Variants in TTLL5 observed in about 807,000 individuals in gnomAD.
TTLL5 encodes the protein tubulin tyrosine ligase like 5, also known as tubulin polyglutamylase TTLL5.
Under a neutral mutation model 168.4 loss-of-function variants are expected in TTLL5, and 132 were observed. That is an observed-to-expected ratio of 0.78 (90% CI 0.68 to 0.91). The LOEUF (loss-of-function observed/expected upper bound fraction) is 0.91. Ranked by LOEUF, TTLL5 falls within the 40% of genes least tolerant of loss-of-function variation. The probability of loss-of-function intolerance (pLI) is 0.00; values close to 1 mark genes in which losing one functional copy is unlikely to be tolerated. For missense variants in TTLL5, 1,545 were observed against 1,581.5 expected (o/e 0.98, Z 0.39); for synonymous variants, 546 against 558.6 (o/e 0.98, Z 0.32).
At chr14:75,906,578 A>G in intron 31 of TTLL5, 5 of 985,838 alleles carry the variant, frequency 5.1e-6, no homozygotes, top group Non-Finnish European at 2.4e-6. Flanking sequence ...TCCCCAAGTT[A>G]TTTTCGCCAC....
intron 31 of TTLL5, among the ~76,000 whole-genome samples, chr14:75,937,282 A>G (rs1199190212): frequency 1.3e-5 from 2 of 149,928 alleles, no homozygotes; most frequent in Non-Finnish European, 3.0e-5. Context: ...ACGTCCAGCT[A>G]ATTTTTTTTT....
chr14:75,851,343 A>C (rs1454121880), intron 28 of TTLL5, among the ~76,000 whole-genome samples: 1 of 152,126 alleles, frequency 6.6e-6, no homozygotes, highest in Non-Finnish European at 1.5e-5. Context: ...TTTGTCTCTC[A>C]GGTTTTAGGC....
In TTLL5 at chr14:75,942,483, TGAAAA is replaced by T. The variant is rs1481265082; in HGVS notation, c.3824-11940_3824-11936del. 3.9e-4 allele frequency among the ~76,000 whole-genome samples: 60 copies of T among 152,288 alleles called. No individual in the cohort carries two copies. In the South Asian group the frequency reaches 0.01, roughly 26 times the overall value. On this transcript the variant is annotated intron_variant, in intron 31 of 31. Coordinates refer to ENST00000298832, the MANE Select transcript of TTLL5 (RefSeq NM_015072.5). The stretch of plus-strand genomic sequence containing the variant: ...ATCTCAGCACTTAAGAGTGTAGCAG[TGAAAA>T]TAAGCAGTATATGCAAGACAAAGTC...
At chr14:75,926,550 A>G (rs1450050670) in intron 31 of TTLL5, among the ~76,000 whole-genome samples, 1 of 152,210 alleles carries the variant, frequency 6.6e-6, no homozygotes, top group Non-Finnish European at 1.5e-5. Flanking sequence ...AAAGATATAC[A>G]AATGACCAAT....
At position 75,683,786 on chromosome 14, in the gene TTLL5, T is replaced by C; in HGVS notation, c.371+130T>C. ...GAAGAAGAAGAAGGACTTTTTTTTT[T>C]TTTTTTGAGATGAGTATCGCTCTGT... On this transcript the variant is annotated intron_variant, in intron 5 of 31. Coordinates refer to ENST00000298832, the MANE Select transcript of TTLL5 (RefSeq NM_015072.5). 4.0e-6 allele frequency: 3 copies of C among 752,796 alleles called. 1 individual carries two copies. The South Asian group carries it at 5.4e-5, about 14-fold the overall frequency. 46.6% of individuals were successfully genotyped at this position (752,796 alleles called of 1,614,324 possible). A position where few individuals can be genotyped will look rare whatever the true frequency, so the allele number is the denominator to read the frequency against.
intron 9 of TTLL5, among the ~76,000 whole-genome samples, chr14:75,714,256 G>C (rs1172128882): frequency 2.0e-5 from 3 of 152,122 alleles, no homozygotes; most frequent in Non-Finnish European, 2.9e-5. Flanking sequence ...ATTTAGTGGT[G>C]TTTGACCATT....
intron 28 of TTLL5, among the ~76,000 whole-genome samples, chr14:75,826,568 A>G (rs1443202183): frequency 1.3e-5 from 2 of 152,150 alleles, no homozygotes; most frequent in African/African-American, 2.4e-5. Context: ...TTACTTTATA[A>G]TTTTGTAACT....
chr14:75,894,250 G>A (rs1681684375), intron 30 of TTLL5, among the ~76,000 whole-genome samples: 1 of 152,066 alleles, frequency 6.6e-6, no homozygotes, highest in Non-Finnish European at 1.5e-5. Flanking sequence ...GTGGAAGATA[G>A]GAAAGTTAGA....
At chr14:75,896,728 A>C (rs1437973749) in intron 30 of TTLL5, among the ~76,000 whole-genome samples, 1 of 152,228 alleles carries the variant, frequency 6.6e-6, no homozygotes, top group African/African-American at 2.4e-5. Flanking sequence ...CTTTCAGAAA[A>C]GTTTCCACTG....
intron 23 of TTLL5, 97 bp downstream of exon 23, chr14:75,776,947 G>C: frequency 2.0e-6 from 2 of 993,260 alleles, no homozygotes; most frequent in Non-Finnish European, 3.0e-6. Flanking sequence ...ACATGGATGT[G>C]AATGAAATCA....
chr14:75,803,721 G>T (rs1206878386), intron 27 of TTLL5, among the ~76,000 whole-genome samples: 1 of 152,184 alleles, frequency 6.6e-6, no homozygotes, highest in Non-Finnish European at 1.5e-5. Flanking sequence ...GAAGTGTCGT[G>T]GTGGCCAATA....
rs139528924 is a variant in TTLL5 at position 75,840,238 on chromosome 14, A to G, written c.3326+20077A>G. Among the ~76,000 whole-genome samples, 503 of 152,232 alleles carry G rather than the reference A, an allele frequency of 3.3e-3. 4 individuals carry two copies. The highest frequency in any genetic ancestry group is 0.011 in the African/African-American group (469 of 41,554). On this transcript the variant is annotated intron_variant, in intron 28 of 31. Transcript: ENST00000298832. ...TCTTTCAGACACAGTCATTTTTTAT[A>G]TATGTATACTTCAAGTTCTGGGATA...
At chr14:75,949,743 G>A (rs529771981) in intron 31 of TTLL5, among the ~76,000 whole-genome samples, 5 of 151,776 alleles carry the variant, frequency 3.3e-5, no homozygotes, top group East Asian at 1.9e-4. Context: ...CAGCTTAGTC[G>A]GGAGACTGAG....
At chr14:75,770,477 T>G (rs530004066) in intron 20 of TTLL5, among the ~76,000 whole-genome samples, 2 of 152,306 alleles carry the variant, frequency 1.3e-5, no homozygotes, top group East Asian at 3.9e-4. Context: ...ATTCAGTGAT[T>G]GCATTTGTGG....
In TTLL5 at chr14:75,683,624, C is replaced by T. The variant is rs1884797313; in HGVS notation, c.339C>T (p.Leu113=). 6.2e-7 allele frequency: 1 copy of T among 1,614,056 alleles called. No individual in the cohort carries two copies. Among genetic ancestry groups the T allele is most frequent in the East Asian group, 2.2e-5 (1 of 44,878 alleles). Reference sequence around the variant, plus strand: ...TGAAGCCCTTCTTACTGCGCACCCTCTCTGAAGCACAAAAAGTTAATCACT... The same window carrying T: ...TGAAGCCCTTCTTACTGCGCACCCTTTCTGAAGCACAAAAAGTTAATCACT... The part of the protein sequence containing the change: ...SHLKPFLLRT[L]SEAQKVNHFP... The change falls in exon 5 of 32, where the codon CTC becomes CTT. Residue 113 remains leucine (L), a synonymous_variant. Coordinates refer to ENST00000298832, the MANE Select transcript of TTLL5 (RefSeq NM_015072.5).
At chr14:75,914,979 T>G (rs2140123308) in intron 31 of TTLL5, among the ~76,000 whole-genome samples, 1 of 152,306 alleles carries the variant, frequency 6.6e-6, no homozygotes, top group Admixed American at 6.5e-5. Flanking sequence ...TACTATAACT[T>G]GTTACATGGT....
intron 18 of TTLL5, among the ~76,000 whole-genome samples, chr14:75,754,013 C>T (rs773663483): frequency 6.6e-5 from 10 of 152,048 alleles, no homozygotes; most frequent in Non-Finnish European, 1.3e-4. Flanking sequence ...TGGCTATAAC[C>T]TCCATATTTC....
intron 29 of TTLL5, among the ~76,000 whole-genome samples, chr14:75,866,269 T>C (rs1044337133): frequency 6.6e-6 from 1 of 152,196 alleles, no homozygotes; most frequent in African/African-American, 2.4e-5. Flanking sequence ...AAATTGTTGA[T>C]TGAAGCATGG....
At chr14:75,755,888 G>T (rs1213025198) in intron 18 of TTLL5, among the ~76,000 whole-genome samples, 1 of 151,610 alleles carries the variant, frequency 6.6e-6, no homozygotes, top group East Asian at 1.9e-4. Context: ...ACTCCTCCCC[G>T]ACCTACCCAC....
Sources: allele counts gnomAD v4.1 joint callset (sites outside exome capture counted in the v4.1 genomes callset), GRCh38; gene constraint gnomAD v4.1.1; transcripts MANE v1.5; gene names NCBI Gene and HGNC (gene_info 2026-07-23, HGNC 2026-07-21).